Variants in ITGBL1 observed in about 807,000 individuals in gnomAD.
ITGBL1 encodes integrin beta-like protein 1.
A neutral mutation model predicts 68.5 loss-of-function variants in ITGBL1; 51 were observed. The observed-to-expected ratio is 0.74, with a 90% confidence interval of 0.59 to 0.94. The LOEUF (loss-of-function observed/expected upper bound fraction) is 0.94, where lower values mean the gene tolerates loss of function less well. Ranked by LOEUF, ITGBL1 falls within the 40% of genes least tolerant of loss-of-function variation. The probability of loss-of-function intolerance (pLI) is 0.00; values close to 1 mark genes in which losing one functional copy is unlikely to be tolerated. For synonymous variants in ITGBL1, 209 were observed against 227.3 expected (o/e 0.92, Z 0.72); for missense variants, 649 against 647.4 (o/e 1.00, Z -0.03).
At chr13:101,539,932 T>A (rs528315402) in intron 2 of ITGBL1, among the ~76,000 whole-genome samples, 1 of 152,110 alleles carries the variant, frequency 6.6e-6, no homozygotes, top group Non-Finnish European at 1.5e-5. Flanking sequence ...GTTTGAGTTC[T>A]TTGTAGTTTC....
chr13:101,460,005 C>G (rs775022789), intron 2 of ITGBL1, among the ~76,000 whole-genome samples: 1 of 152,054 alleles, frequency 6.6e-6, no homozygotes, highest in Non-Finnish European at 1.5e-5. Flanking sequence ...ACTTGCCTTT[C>G]CCTTCCAATT....
chr13:101,480,771 G>A (rs572429818), intron 2 of ITGBL1, among the ~76,000 whole-genome samples: 3 of 152,178 alleles, frequency 2.0e-5, no homozygotes, highest in African/African-American at 7.2e-5. Flanking sequence ...TATTAGAGAA[G>A]TACAAAGTGC....
chr13:101,555,342 C>A (rs764302481), intron 2 of ITGBL1, among the ~76,000 whole-genome samples: 4 of 151,948 alleles, frequency 2.6e-5, no homozygotes, highest in Non-Finnish European at 5.9e-5. Flanking sequence ...AAAGATAAAA[C>A]AAAAATAAGG....
intron 7 of ITGBL1, among the ~76,000 whole-genome samples, chr13:101,598,538 A>T (rs1391385644): frequency 7.9e-5 from 12 of 151,954 alleles, no homozygotes; most frequent in Admixed American, 7.9e-4. Context: ...GCATGCATTA[A>T]CTGGTCATTT....
At chr13:101,540,427 C>T (rs1363073911) in intron 2 of ITGBL1, among the ~76,000 whole-genome samples, 1 of 152,078 alleles carries the variant, frequency 6.6e-6, no homozygotes, top group African/African-American at 2.4e-5. Context: ...TGTTTTGGTA[C>T]CAGTACCATG....
In ITGBL1 at chr13:101,599,017, T is replaced by A. The variant is rs146585734; in HGVS notation, c.1015+718T>A. ...ATCCCTGAGGAATTGTCACACCGAC[T>A]TCCACAAAGGTTGAACTAGTTTACA... is the stretch of plus-strand genomic sequence containing the variant. On this transcript the variant is annotated intron_variant, in intron 7 of 10. Coordinates refer to ENST00000376180, the MANE Select transcript of ITGBL1 (RefSeq NM_004791.3). 9.5e-3 allele frequency among the ~76,000 whole-genome samples: 1,447 copies of A among 152,348 alleles called. 12 individuals are homozygous for A. The highest frequency in any genetic ancestry group is 0.016 in the Admixed American group (252 of 15,298).
chr13:101,535,245 A>C (rs546541399), intron 2 of ITGBL1, among the ~76,000 whole-genome samples: 1 of 152,122 alleles, frequency 6.6e-6, no homozygotes, highest in East Asian at 1.9e-4. Context: ...TATTAACTCA[A>C]AAAAAAGAGC....
At chr13:101,687,039 C>T (rs1247845506) in intron 7 of ITGBL1, among the ~76,000 whole-genome samples, 1 of 151,908 alleles carries the variant, frequency 6.6e-6, no homozygotes, top group African/African-American at 2.4e-5. Context: ...TAGTTTTATA[C>T]TAGTAGCATT....
intron 7 of ITGBL1, among the ~76,000 whole-genome samples, chr13:101,674,388 A>C (rs1270478169): frequency 6.6e-6 from 1 of 152,192 alleles, no homozygotes; most frequent in Non-Finnish European, 1.5e-5. Flanking sequence ...CATGTTCTGC[A>C]TTGCTGTGCG....
intron 2 of ITGBL1, among the ~76,000 whole-genome samples, chr13:101,462,523 A>C (rs1470263484): frequency 6.6e-6 from 1 of 152,142 alleles, no homozygotes; most frequent in African/African-American, 2.4e-5. Context: ...GCAAGGGCTG[A>C]GTCTTTTCCT....
intron 2 of ITGBL1, among the ~76,000 whole-genome samples, chr13:101,494,777 C>T (rs182482493): frequency 5.1e-4 from 77 of 152,280 alleles, no homozygotes; most frequent in African/African-American, 1.7e-3. Context: ...CCACTGTATT[C>T]GCTTTCCTTT....
chr13:101,592,543 A>T (rs1442683763), intron 6 of ITGBL1, among the ~76,000 whole-genome samples: 1 of 152,116 alleles, frequency 6.6e-6, no homozygotes, highest in Non-Finnish European at 1.5e-5. Flanking sequence ...ATGATCATGG[A>T]TCAGAAAAAT....
chr13:101,651,757 C>G (rs2032758338), intron 7 of ITGBL1, among the ~76,000 whole-genome samples: 1 of 142,060 alleles, frequency 7.0e-6, no homozygotes, highest in African/African-American at 2.6e-5. Flanking sequence ...GGTCTATGTC[C>G]TAAATGGTAT....
At chr13:101,472,801 A>C (rs996008912) in intron 2 of ITGBL1, among the ~76,000 whole-genome samples, 5 of 152,090 alleles carry the variant, frequency 3.3e-5, no homozygotes, top group Non-Finnish European at 5.9e-5. Context: ...TTTAATATAC[A>C]TTTTGATTTG....
chr13:101,540,484 T>C (rs1461538653), intron 2 of ITGBL1, among the ~76,000 whole-genome samples: 2 of 152,146 alleles, frequency 1.3e-5, no homozygotes, highest in African/African-American at 4.8e-5. Context: ...AGTCAGGTAG[T>C]GTGATGCCTC....
intron 7 of ITGBL1, among the ~76,000 whole-genome samples, chr13:101,657,354 C>T (rs2032958139): frequency 6.6e-6 from 1 of 152,138 alleles, no homozygotes; most frequent in African/African-American, 2.4e-5. Context: ...CATATTCCCT[C>T]TTTAATCAAT....
intron 7 of ITGBL1, among the ~76,000 whole-genome samples, chr13:101,621,274 T>C (rs1029289462): frequency 3.3e-5 from 5 of 152,168 alleles, no homozygotes; most frequent in African/African-American, 7.2e-5. Context: ...ATTAGAAACA[T>C]GTACCACTTC....
intron 9 of ITGBL1, among the ~76,000 whole-genome samples, chr13:101,708,062 C>CACACACACACAT: frequency 6.8e-6 from 1 of 148,102 alleles, no homozygotes. Flanking sequence ...CACACACACA[C>CACACACACACAT]ACACACATAC....
intron 2 of ITGBL1, among the ~76,000 whole-genome samples, chr13:101,516,744 T>G (rs1456120070): frequency 6.6e-6 from 1 of 152,202 alleles, no homozygotes; most frequent in Admixed American, 6.5e-5. Context: ...TTTCTAAGTT[T>G]ATACTGTCTA....
Sources: allele counts gnomAD v4.1 joint callset (sites outside exome capture counted in the v4.1 genomes callset), GRCh38; gene constraint gnomAD v4.1.1; transcripts MANE v1.5; gene names NCBI Gene and HGNC (gene_info 2026-07-23, HGNC 2026-07-21).